The following FHIP2A variants were observed in gnomAD, a reference collection of about 807,000 sequenced individuals.
The protein encoded by FHIP2A is FHF complex subunit HOOK interacting protein 2A, also known as family with sequence similarity 160 member B1.
FHIP2A carries 46 observed loss-of-function variants against 93.5 expected under a neutral mutation model. That is an observed-to-expected ratio of 0.49 (90% confidence interval 0.39 to 0.63). The LOEUF is 0.63. Ranked by LOEUF, FHIP2A falls within the 20% of genes least tolerant of loss-of-function variation. FHIP2A has a pLI of 0.00. For synonymous variants in FHIP2A, 332 were observed against 326.5 expected (o/e 1.02, Z -0.18); for missense variants, 769 against 909.7 (o/e 0.85, Z 1.99).
chr10:114,878,266 A>G lies in FHIP2A; in HGVS notation c.2192+16932A>G, dbSNP rs7069111. ...ATCACATTTTGTGAACATACTTCAAATCACAACTACAGTGGAACACGGAGG... is the reference window on the plus strand; with the variant it reads ...ATCACATTTTGTGAACATACTTCAAGTCACAACTACAGTGGAACACGGAGG... On this transcript the variant is annotated intron_variant, in intron 16 of 16. Transcript: ENST00000369250. 7.3e-3 allele frequency among the ~76,000 whole-genome samples: 1,106 copies of G among 152,314 alleles called. 17 individuals carry two copies. Among genetic ancestry groups the G allele is most frequent in the African/African-American group, 0.026 (1,065 of 41,566 alleles).
downstream of FHIP2A, among the ~76,000 whole-genome samples, chr10:114,868,321 G>A (rs2143013971): frequency 6.6e-6 from 1 of 152,202 alleles, no homozygotes; most frequent in Middle Eastern, 3.4e-3. Flanking sequence ...TCTCGTAGGA[G>A]CACCAACCCT....
At chr10:114,868,469 G>T (rs530098277), downstream of FHIP2A, among the ~76,000 whole-genome samples, 5 of 152,154 alleles carry the variant, frequency 3.3e-5, no homozygotes, top group African/African-American at 9.7e-5. Flanking sequence ...CATGAAACCA[G>T]TCCCTGGTGC....
chr10:114,829,377 C>G (rs2083595166), intron 1 of FHIP2A, among the ~76,000 whole-genome samples: 1 of 152,152 alleles, frequency 6.6e-6, no homozygotes, highest in Admixed American at 6.6e-5. Flanking sequence ...GAGGGTTCCT[C>G]CCCTTTTTAG....
At position 114,870,252 on chromosome 10, in the gene FHIP2A, C is replaced by T. The variant is rs187693142; in HGVS notation, c.2192+8918C>T. Among the ~76,000 whole-genome samples the T allele has an allele frequency of 1.2e-3, 184 of 152,202 alleles. 1 individual carries two copies. The highest frequency in any genetic ancestry group is 4.2e-3 in the African/African-American group (174 of 41,518). On this transcript the variant is annotated intron_variant, in intron 16 of 16. Transcript: ENST00000369250. The stretch of plus-strand genomic sequence containing the variant: ...TAGGTTAAGAAAGATGTTGGATAGG[C>T]GCAAATGCTGAGTTTTTCTGCTGAT...
At position 114,842,988 on chromosome 10, in the gene FHIP2A, C is replaced by T. The variant is rs1440588177; in HGVS notation, c.578C>T (p.Thr193Ile). The change falls in exon 6 of 17, where the codon ACA becomes ATA. Residue 193 changes from threonine (T) to isoleucine (I), a missense_variant. Transcript: ENST00000369248. ...GTACCAAATGTAATTTCAGAAGATA[C>T]ATTAAAAGGTCAGGATTCCTTGTCA... ...KGVPNVISED[T>I]LKGQDSLSTD... 41 of 1,611,898 alleles carry T rather than the reference C, an allele frequency of 2.5e-5. No individual in the cohort carries two copies. Among genetic ancestry groups the T allele is most frequent in the East Asian group, 1.1e-4 (5 of 44,850 alleles).
At chr10:114,896,500 C>T (rs529835461) in intron 16 of FHIP2A, among the ~76,000 whole-genome samples, 8 of 152,282 alleles carry the variant, frequency 5.3e-5, no homozygotes, top group African/African-American at 1.9e-4. Flanking sequence ...GGCCCACAGG[C>T]CTCCCATTCT....
At chr10:114,872,300 C>G (rs2143014305) in intron 16 of FHIP2A, among the ~76,000 whole-genome samples, 1 of 152,204 alleles carries the variant, frequency 6.6e-6, no homozygotes, top group East Asian at 1.9e-4. Context: ...TCCCATCTAC[C>G]CAGATGTGAT....
rs2083528716 is a variant in FHIP2A, at chr10:114,822,084, C to T, written c.6C>T (p.Phe2=). 1 of 1,341,888 alleles carries T rather than the reference C, an allele frequency of 7.5e-7. No individual in the cohort carries two copies. Among genetic ancestry groups the T allele is most frequent in the Non-Finnish European group, 9.8e-7 (1 of 1,024,124 alleles). 83.1% of individuals were successfully genotyped at this position (1,341,888 alleles called of 1,614,324 possible). A position where few individuals can be genotyped will look rare whatever the true frequency, so the allele number is the denominator to read the frequency against. Residue 2 remains phenylalanine, a synonymous_variant, in exon 1 of 17, where the codon TTC becomes TTT. Coordinates refer to ENST00000369248, the MANE Select transcript of FHIP2A (RefSeq NM_020940.4). The part of the protein sequence containing the change: M[F]SKFTSILQHA... ...TGCTGCAGTCCCGGGACAGGATGTT[C>T]TCCAAGTTCACCTCCATCCTGCAGC...
At chr10:114,895,900 T>C (rs532189382) in intron 16 of FHIP2A, among the ~76,000 whole-genome samples, 1 of 152,284 alleles carries the variant, frequency 6.6e-6, no homozygotes, top group South Asian at 2.1e-4. Flanking sequence ...AGTTTTCTTA[T>C]TTGAAAAACA....
intron 16 of FHIP2A, among the ~76,000 whole-genome samples, chr10:114,875,980 G>GAGAA (rs776926441): frequency 1.3e-5 from 2 of 150,896 alleles, no homozygotes; most frequent in Non-Finnish European, 3.0e-5. Flanking sequence ...GAAGGTAAGA[G>GAGAA]AGAAAGAAAG....
At chr10:114,842,067 A>T (rs2083671963) in intron 5 of FHIP2A, among the ~76,000 whole-genome samples, 1 of 151,694 alleles carries the variant, frequency 6.6e-6, no homozygotes, top group Admixed American at 6.6e-5. Context: ...CTCTTTTTTT[A>T]AATTTTTTTG....
intron 5 of FHIP2A, among the ~76,000 whole-genome samples, chr10:114,837,177 T>G (rs1392609874): frequency 6.6e-6 from 1 of 152,208 alleles, no homozygotes; most frequent in Admixed American, 6.5e-5. Flanking sequence ...GTTCTGGTAT[T>G]ATAGGTGTGA....
At chr10:114,834,008 C>T (rs2083623189) in intron 3 of FHIP2A, among the ~76,000 whole-genome samples, 1 of 152,264 alleles carries the variant, frequency 6.6e-6, no homozygotes, top group African/African-American at 2.4e-5. Flanking sequence ...ACACTGTGAC[C>T]ATTGTAAGTC....
intron 13 of FHIP2A, among the ~76,000 whole-genome samples, chr10:114,851,498 G>A (rs1160559327): frequency 6.6e-6 from 1 of 152,022 alleles, no homozygotes; most frequent in East Asian, 1.9e-4. Context: ...TTGACTTTAA[G>A]TGTAAAGTTT....
chr10:114,827,859 G>C (rs995755397), intron 1 of FHIP2A, among the ~76,000 whole-genome samples: 1 of 151,692 alleles, frequency 6.6e-6, no homozygotes, highest in Non-Finnish European at 1.5e-5. Flanking sequence ...GGCAGGAAGA[G>C]CCTGGTCAAG....
At chr10:114,853,986 G>T (rs1458096957) in intron 13 of FHIP2A, among the ~76,000 whole-genome samples, 1 of 152,134 alleles carries the variant, frequency 6.6e-6, no homozygotes, top group Non-Finnish European at 1.5e-5. Flanking sequence ...GAATATAGAA[G>T]AAAACAGTGC....
At position 114,846,084 on chromosome 10, in the gene FHIP2A, G is replaced by A. The variant is rs1334652546; in HGVS notation, c.1200G>A (p.Met400Ile). ...FFIGVMEPQL[M>I]QTSEMGILTS... ...TTGGTGTTATGGAACCTCAATTAAT[G>A]CAAACGTGAGTAGCCTGTTTTCTTT... The change falls in exon 9 of 17, where the codon ATG becomes ATA. Residue 400 changes from methionine to isoleucine, a missense_variant. Met to Ile is a conservative substitution (Grantham distance 10). Transcript: ENST00000369248. 6.2e-7 allele frequency: 1 copy of A among 1,613,602 alleles called. No individual in the cohort carries two copies. Among genetic ancestry groups the A allele is most frequent in the Non-Finnish European group, 8.5e-7 (1 of 1,179,770 alleles).
rs751901718 is a variant in FHIP2A at position 114,843,817 on chromosome 10, G to A, written c.893G>A (p.Cys298Tyr). The change falls in exon 7 of 17, where the codon TGC becomes TAC. Residue 298 changes from cysteine (C) to tyrosine (Y), a missense_variant. Cys to Tyr is a radical substitution (Grantham distance 194). Coordinates refer to ENST00000369248, the MANE Select transcript of FHIP2A (RefSeq NM_020940.4). Reference protein sequence around the residue: ...VSLPEPAAAKCLTQSTCLCEL... With the variant: ...VSLPEPAAAKYLTQSTCLCEL... ...TTGCCAGAGCCTGCGGCTGCAAAGT[G>A]CCTTACACAGAGCACTTGCTTGTGT... is the stretch of plus-strand genomic sequence containing the variant. 5.6e-6 allele frequency: 9 copies of A among 1,610,356 alleles called. No individual in the cohort carries two copies. In the East Asian group the frequency reaches 1.1e-4, roughly 20 times the overall value.
intron 16 of FHIP2A, among the ~76,000 whole-genome samples, chr10:114,894,436 A>C (rs2083990730): frequency 6.6e-6 from 1 of 151,026 alleles, no homozygotes; most frequent in Admixed American, 6.6e-5. Flanking sequence ...GCGTGGTAGC[A>C]CATGCCTTGT....
Sources: allele counts gnomAD v4.1 joint callset (sites outside exome capture counted in the v4.1 genomes callset), GRCh38; gene constraint gnomAD v4.1.1; transcripts MANE v1.5; gene names NCBI Gene and HGNC (gene_info 2026-07-23, HGNC 2026-07-21).